ITSN1: variants seen among roughly 807,000 people sequenced by gnomAD.
The protein encoded by ITSN1 is intersectin 1, also known as intersectin-1.
ITSN1 carries 58 observed loss-of-function variants against 239.8 expected under a neutral mutation model. That is an observed-to-expected ratio of 0.24 (90% confidence interval 0.20 to 0.30). The LOEUF (loss-of-function observed/expected upper bound fraction) is 0.30. Ranked by LOEUF, ITSN1 falls within the 10% of genes least tolerant of loss-of-function variation. The probability of loss-of-function intolerance (pLI) is 1.00; values close to 1 mark genes in which losing one functional copy is unlikely to be tolerated. For missense variants in ITSN1, 1,558 were observed against 2,103.3 expected (o/e 0.74, Z 5.07); for synonymous variants, 780 against 770.8 (o/e 1.01, Z -0.20).
intron 16 of ITSN1, among the ~76,000 whole-genome samples, chr21:33,791,132 A>G (rs892264250): frequency 4.6e-5 from 7 of 152,176 alleles, no homozygotes; most frequent in African/African-American, 1.7e-4. Context: ...GAAATCATCC[A>G]TGTTCTGCTT....
At chr21:33,656,961 TC>T (rs1239452178) in intron 1 of ITSN1, among the ~76,000 whole-genome samples, 2 of 152,226 alleles carry the variant, frequency 1.3e-5, no homozygotes, top group Non-Finnish European at 2.9e-5. Context: ...CCTCAGGTGA[TC>T]CACCTGCCTC....
intron 25 of ITSN1, among the ~76,000 whole-genome samples, chr21:33,824,298 A>G (rs1184309174): frequency 6.6e-6 from 1 of 152,202 alleles, no homozygotes; most frequent in Non-Finnish European, 1.5e-5. Context: ...TGCAAGTTGA[A>G]TGGAATGGTG....
At chr21:33,780,739 G>A (rs1377715563) in intron 14 of ITSN1, among the ~76,000 whole-genome samples, 1 of 152,140 alleles carries the variant, frequency 6.6e-6, no homozygotes, top group Admixed American at 6.5e-5. Context: ...TTATAACCTA[G>A]GAAGGCTGCC....
At chr21:33,754,881 A>T (rs552581162) in intron 7 of ITSN1, among the ~76,000 whole-genome samples, 2 of 152,338 alleles carry the variant, frequency 1.3e-5, no homozygotes, top group South Asian at 4.1e-4. Flanking sequence ...TTGGAGAATT[A>T]GTACCTTTAA....
At chr21:33,726,376 C>T (rs2065834036) in intron 4 of ITSN1, among the ~76,000 whole-genome samples, 2 of 152,088 alleles carry the variant, frequency 1.3e-5, no homozygotes, top group Admixed American at 6.5e-5. Context: ...TTTTTATGTT[C>T]TTCTGTGATT....
intron 22 of ITSN1, among the ~76,000 whole-genome samples, chr21:33,816,078 A>G (rs1305157319): frequency 6.6e-6 from 1 of 152,090 alleles, no homozygotes; most frequent in Non-Finnish European, 1.5e-5. Context: ...CTGTAATCCC[A>G]GCTACTTGGG....
chr21:33,720,342 A>T (rs2065410557), intron 2 of ITSN1, among the ~76,000 whole-genome samples: 1 of 152,214 alleles, frequency 6.6e-6, no homozygotes, highest in Admixed American at 6.5e-5. Flanking sequence ...TGTGAAACAT[A>T]CGTATTGTGT....
Position 33,647,448 on chromosome 21 carries a change from T to C in ITSN1, c.-33+4735T>C, listed in dbSNP as rs2146072509. 2.6e-5 allele frequency among the ~76,000 whole-genome samples: 4 copies of C among 152,256 alleles called. No individual in the cohort carries two copies. The South Asian group carries it at 8.3e-4, about 32-fold the overall frequency. On this transcript the variant is annotated intron_variant, in intron 1 of 39. Coordinates refer to ENST00000381318, the MANE Select transcript of ITSN1 (RefSeq NM_003024.3). Reference sequence around the variant, plus strand: ...TATATATATATTGCATTATAACAATTTTAGTAACCAAATAATATTCCGTTT... The same window carrying C: ...TATATATATATTGCATTATAACAATCTTAGTAACCAAATAATATTCCGTTT...
intron 5 of ITSN1, among the ~76,000 whole-genome samples, chr21:33,736,384 C>T (rs1377952618): frequency 6.6e-6 from 1 of 152,076 alleles, no homozygotes; most frequent in Non-Finnish European, 1.5e-5. Context: ...CAATGTATTG[C>T]CTTTCTTTTA....
Position 33,882,157 on chromosome 21 carries a change from C to A in ITSN1, c.4342-86C>A, listed in dbSNP as rs1985044672. 18 of 1,159,874 alleles carry A rather than the reference C, an allele frequency of 1.6e-5. No individual in the cohort carries two copies. In the South Asian group the frequency reaches 2.2e-4, roughly 14 times the overall value. The allele number at this position is 1,159,874 out of a possible 1,614,324, so 71.8% of individuals were successfully genotyped here. ...TGCCTGAGATCCGAGTCTGCTGGGGCCTGGCCTCTGATTCTGATGGAGCCC... is the reference window on the plus strand; with the variant it reads ...TGCCTGAGATCCGAGTCTGCTGGGGACTGGCCTCTGATTCTGATGGAGCCC... On this transcript the variant is annotated intron_variant, in intron 34 of 39. Transcript: ENST00000381318. The surrounding 1 kb of genome is among the most constrained non-coding windows in gnomAD (Gnocchi z 4.5).
intron 3 of ITSN1, 96 bp from the exon 4 acceptor site, chr21:33,722,492 G>A: frequency 2.1e-6 from 3 of 1,421,752 alleles, no homozygotes; most frequent in Non-Finnish European, 2.8e-6. Context: ...AGTATTACCA[G>A]CCTCTTTGTA....
intron 31 of ITSN1, among the ~76,000 whole-genome samples, chr21:33,861,351 C>T (rs751141293): frequency 3.3e-5 from 5 of 151,830 alleles, no homozygotes; most frequent in African/African-American, 9.7e-5. Context: ...CACCAGTGAG[C>T]GGCCATATGT....
intron 17 of ITSN1, among the ~76,000 whole-genome samples, chr21:33,796,497 G>A (rs144868118): frequency 8.5e-5 from 13 of 152,098 alleles, no homozygotes; most frequent in African/African-American, 1.9e-4. Context: ...TTATGTTCCC[G>A]TGGCAGATTC....
intron 7 of ITSN1, among the ~76,000 whole-genome samples, chr21:33,754,885 C>T (rs1431215249): frequency 6.6e-6 from 1 of 152,052 alleles, no homozygotes; most frequent in Non-Finnish European, 1.5e-5. Flanking sequence ...AGAATTAGTA[C>T]CTTTAAAGGC....
intron 1 of ITSN1, among the ~76,000 whole-genome samples, chr21:33,669,503 G>A (rs1320377527): frequency 6.6e-6 from 1 of 150,404 alleles, no homozygotes; most frequent in Non-Finnish European, 1.5e-5. Flanking sequence ...GTCGTGGTGC[G>A]ATCTCGGCTC....
chr21:33,768,696 A>G (rs1431874788), intron 11 of ITSN1, among the ~76,000 whole-genome samples: 1 of 152,236 alleles, frequency 6.6e-6, no homozygotes, highest in Non-Finnish European at 1.5e-5. Context: ...GAAGCAAATG[A>G]AATTATGGAG....
intron 1 of ITSN1, among the ~76,000 whole-genome samples, chr21:33,693,826 C>T (rs2091668484): frequency 6.6e-6 from 1 of 152,158 alleles, no homozygotes; most frequent in African/African-American, 2.4e-5. Flanking sequence ...ACAGGGTTAT[C>T]TTATCTGATA....
In ITSN1 at chr21:33,704,256, A is replaced by C. The variant is rs527845670; in HGVS notation, c.-32-14541A>C. Among the ~76,000 whole-genome samples the C allele has an allele frequency of 5.3e-5, 8 of 152,308 alleles. No homozygotes were observed. In the South Asian group the frequency reaches 1.7e-3, roughly 32 times the overall value. ...AAGCTCACTGGACTTATATGTCAGC[A>C]TTCTATTAATCTTAATTCCCCCATT... On this transcript the variant is annotated intron_variant, in intron 1 of 39. Coordinates refer to ENST00000381318, the MANE Select transcript of ITSN1 (RefSeq NM_003024.3).
intron 33 of ITSN1, among the ~76,000 whole-genome samples, chr21:33,870,111 T>C (rs1982455710): frequency 6.6e-6 from 1 of 152,202 alleles, no homozygotes; most frequent in Admixed American, 6.5e-5. Flanking sequence ...ATAAGCCATC[T>C]CCTCAGTCCA....
Sources: allele counts gnomAD v4.1 joint callset (sites outside exome capture counted in the v4.1 genomes callset), GRCh38; gene constraint gnomAD v4.1.1; non-coding constraint Gnocchi (gnomAD v3.1); transcripts MANE v1.5; gene names NCBI Gene and HGNC (gene_info 2026-07-23, HGNC 2026-07-21).